ZNF385B: variants seen among roughly 807,000 people sequenced by gnomAD.
ZNF385B encodes the protein zinc finger protein 533.
A neutral mutation model predicts 39.2 loss-of-function variants in ZNF385B; 23 were observed. That is an observed-to-expected ratio of 0.59 (90% CI 0.42 to 0.83). The LOEUF (loss-of-function observed/expected upper bound fraction) is 0.83. ZNF385B is among the 40% of genes least tolerant of loss of function. ZNF385B has a pLI of 0.00. For synonymous variants in ZNF385B, 205 were observed against 222.6 expected (o/e 0.92, Z 0.70); for missense variants, 552 against 598.9 (o/e 0.92, Z 0.82).
intron 3 of ZNF385B, among the ~76,000 whole-genome samples, chr2:179,754,319 G>C (rs958265866): frequency 6.6e-6 from 1 of 152,168 alleles, no homozygotes; most frequent in Non-Finnish European, 1.5e-5. Flanking sequence ...TTGATGTGCT[G>C]CTGAATTCGG....
At chr2:179,662,096 T>C (rs1694550936) in intron 3 of ZNF385B, among the ~76,000 whole-genome samples, 1 of 152,198 alleles carries the variant, frequency 6.6e-6, no homozygotes, top group South Asian at 2.1e-4. Context: ...CAGATGTTCA[T>C]TATTGGAGGA....
At chr2:179,628,934 C>G (rs965522662) in intron 3 of ZNF385B, among the ~76,000 whole-genome samples, 1 of 152,108 alleles carries the variant, frequency 6.6e-6, no homozygotes, top group Non-Finnish European at 1.5e-5. Flanking sequence ...TAACAGAAAG[C>G]TTATTTTCTT....
At chr2:179,696,062 A>G (rs887612056) in intron 3 of ZNF385B, among the ~76,000 whole-genome samples, 4 of 152,180 alleles carry the variant, frequency 2.6e-5, no homozygotes, top group Admixed American at 1.3e-4. Context: ...AGAATAGGAA[A>G]ATCTATAGAG....
chr2:179,732,769 C>T (rs2126424), intron 3 of ZNF385B, among the ~76,000 whole-genome samples: 13,917 of 152,168 alleles, frequency 0.091, 716 homozygotes, highest in Non-Finnish European at 0.11. Flanking sequence ...CAGTGTTATG[C>T]GTTTCTCCAA....
In ZNF385B at chr2:179,446,575, A is replaced by G. The variant is rs933151807; in HGVS notation, c.911T>C (p.Leu304Pro). Residue 304 changes from leucine to proline, a missense_variant, in exon 7 of 10, where the codon CTA (leucine) becomes CCA (proline). Transcript: ENST00000410066. Reference protein sequence around the residue: ...EKAKKLLYCSLCKVAVNSLSQ... With the variant: ...EKAKKLLYCSPCKVAVNSLSQ... Reference sequence around the variant, plus strand: ...CAGGGAGTTCACAGCCACTTTGCATAGTGAACAATAAAGTAATTTTTTGGC... The same window carrying G: ...CAGGGAGTTCACAGCCACTTTGCATGGTGAACAATAAAGTAATTTTTTGGC... 1.2e-5 allele frequency: 20 copies of G among 1,614,188 alleles called. No individual in the cohort carries two copies. The highest frequency in any genetic ancestry group is 1.7e-5 in the Non-Finnish European group (20 of 1,180,002).
chr2:179,679,789 T>G (rs1036009365), intron 3 of ZNF385B, among the ~76,000 whole-genome samples: 1 of 152,184 alleles, frequency 6.6e-6, no homozygotes, highest in Admixed American at 6.5e-5. Flanking sequence ...GTTTATCAAC[T>G]GATTCTGAAA....
At chr2:179,772,633 T>C (rs995267834) in intron 1 of ZNF385B, among the ~76,000 whole-genome samples, 1 of 152,222 alleles carries the variant, frequency 6.6e-6, no homozygotes, top group African/African-American at 2.4e-5. Context: ...GCTTATAATA[T>C]GTGTGAATGT....
chr2:179,652,007 G>A (rs1025911807), intron 3 of ZNF385B, among the ~76,000 whole-genome samples: 1 of 152,208 alleles, frequency 6.6e-6, no homozygotes, highest in South Asian at 2.1e-4. Context: ...AAACTGTACT[G>A]CCAGAGAAAA....
At chr2:179,673,797 TG>T (rs200494237) in intron 3 of ZNF385B, among the ~76,000 whole-genome samples, 10,594 of 152,320 alleles carry the variant, frequency 0.07, 473 homozygotes, top group East Asian at 0.16. Flanking sequence ...TAGTTTTATT[TG>T]AAGATACTAT....
intron 3 of ZNF385B, among the ~76,000 whole-genome samples, chr2:179,740,682 A>G (rs976038596): frequency 6.6e-5 from 10 of 152,182 alleles, no homozygotes; most frequent in African/African-American, 2.4e-4. Flanking sequence ...CATTGATGCC[A>G]ACATGGGGAC....
At chr2:179,856,305 C>T (rs148110457) in intron 1 of ZNF385B, among the ~76,000 whole-genome samples, 76 of 152,168 alleles carry the variant, frequency 5.0e-4, no homozygotes, top group African/African-American at 1.8e-3. Context: ...ACATCAGCAC[C>T]GGGATCATCA....
chr2:179,823,832 A>G (rs772104236), intron 1 of ZNF385B, among the ~76,000 whole-genome samples: 1 of 152,188 alleles, frequency 6.6e-6, no homozygotes, highest in Non-Finnish European at 1.5e-5. Context: ...TGGTTTCCAA[A>G]TATTTGCAAA....
At chr2:179,846,767 G>A (rs1317484227) in intron 1 of ZNF385B, among the ~76,000 whole-genome samples, 3 of 152,248 alleles carry the variant, frequency 2.0e-5, no homozygotes, top group Non-Finnish European at 4.4e-5. Context: ...CTTTCAGGCA[G>A]GGGCTAAGAT....
chr2:179,698,856 G>C (rs1698961059), intron 3 of ZNF385B, among the ~76,000 whole-genome samples: 2 of 152,064 alleles, frequency 1.3e-5, no homozygotes, highest in Admixed American at 1.3e-4. Context: ...TAAACTACAA[G>C]TTCATGAAGA....
At chr2:179,489,835 C>T (rs1014503120) in intron 5 of ZNF385B, among the ~76,000 whole-genome samples, 3 of 152,188 alleles carry the variant, frequency 2.0e-5, no homozygotes, top group Non-Finnish European at 2.9e-5. Context: ...TCACTTCATT[C>T]AATTCTCATC....
chr2:179,686,686 T>C (rs1269217317), intron 3 of ZNF385B, among the ~76,000 whole-genome samples: 1 of 152,154 alleles, frequency 6.6e-6, no homozygotes, highest in Non-Finnish European at 1.5e-5. Flanking sequence ...ACCTCTTCGC[T>C]CCTAAAATCA....
intron 5 of ZNF385B, among the ~76,000 whole-genome samples, chr2:179,503,865 T>G (rs1437004334): frequency 2.0e-5 from 3 of 149,892 alleles, no homozygotes; most frequent in Admixed American, 6.7e-5. Flanking sequence ...ATTTTCTTTT[T>G]TTTTTTTTCA....
intron 3 of ZNF385B, among the ~76,000 whole-genome samples, chr2:179,675,782 C>G (rs1026081175): frequency 8.6e-6 from 1 of 115,746 alleles, no homozygotes; most frequent in African/African-American, 3.3e-5. Context: ...TTGAAAAATA[C>G]TGACAGTAAT....
At chr2:179,773,768 C>A (rs1207073794) in intron 1 of ZNF385B, among the ~76,000 whole-genome samples, 1 of 152,158 alleles carries the variant, frequency 6.6e-6, no homozygotes, top group African/African-American at 2.4e-5. Context: ...GAGGAGAAAA[C>A]AAGAAATTAC....
Sources: gnomAD v4.1 joint callset for allele counts (sites outside exome capture counted in the v4.1 genomes callset) on GRCh38, gnomAD v4.1.1 for gene constraint, MANE v1.5 for transcripts, NCBI Gene and HGNC (gene_info 2026-07-23, HGNC 2026-07-21) for gene names.